The following EXOC6 variants were observed in gnomAD, a reference collection of about 807,000 sequenced individuals.
The protein encoded by EXOC6 is SEC15-like 1.
A neutral mutation model predicts 112.5 loss-of-function variants in EXOC6; 60 were observed. That is an observed-to-expected ratio of 0.53 (90% CI 0.43 to 0.66). The LOEUF is 0.66. EXOC6 is among the 30% of genes least tolerant of loss of function. The pLI is 0.00. For synonymous variants in EXOC6, 295 were observed against 308.0 expected, an observed-to-expected ratio of 0.96 and a Z score of 0.44; for missense variants, 855 against 957.1, an observed-to-expected ratio of 0.89 and a Z score of 1.41.
chr10:92,868,224 T>C (rs1475533466), intron 1 of EXOC6, among the ~76,000 whole-genome samples: 1 of 152,136 alleles, frequency 6.6e-6, no homozygotes, highest in Non-Finnish European at 1.5e-5. Context: ...TGCATCTGAT[T>C]CTGTTTGCAT....
intron 1 of EXOC6, among the ~76,000 whole-genome samples, chr10:92,876,938 C>T (rs1397441283): frequency 6.9e-6 from 1 of 144,900 alleles, no homozygotes; most frequent in Non-Finnish European, 1.5e-5. Flanking sequence ...TAAAAAAGAA[C>T]TTAAATCAAG....
chr10:92,837,101 C>CAA lies in EXOC6; in HGVS notation c.86+2278_86+2279insAA, dbSNP rs879671360. Among the ~76,000 whole-genome samples, 514 of 148,888 alleles carry CAA rather than the reference C, an allele frequency of 3.5e-3. 1 individual carries two copies. Among genetic ancestry groups the CAA allele is most frequent in the Non-Finnish European group, 5.6e-3 (377 of 66,814 alleles). The stretch of plus-strand genomic sequence containing the variant: ...AGCCTGAAATGGTTATAACATAACA[C>CAA]ACACACACACACACACACACACACA... On this transcript the variant is annotated intron_variant, in intron 1 of 21. Transcript: ENST00000371552.
At chr10:92,831,419 C>A (rs1353556969), upstream of EXOC6, 8 of 910,964 alleles carry the variant, frequency 8.8e-6, no homozygotes, top group Non-Finnish European at 1.2e-5. Flanking sequence ...TTCTTCTATA[C>A]TATATTCTAT....
intron 1 of EXOC6, among the ~76,000 whole-genome samples, chr10:92,842,082 C>T (rs541493899): frequency 3.3e-5 from 5 of 151,980 alleles, no homozygotes; most frequent in Non-Finnish European, 7.4e-5. Context: ...AAAACCAGGC[C>T]GGGTGCAGTG....
intron 5 of EXOC6, 42 bp from the exon 6 acceptor site, chr10:92,909,385 A>G (rs1850614683): frequency 2.2e-6 from 3 of 1,391,026 alleles, no homozygotes; most frequent in Admixed American, 4.3e-5. Flanking sequence ...AAATATTGTG[A>G]TAAGAACTTT....
Position 92,934,357 on chromosome 10 carries a change from T to G in EXOC6, c.1067T>G (p.Val356Gly). ...DHILHVTQGL[V>G]TRAYTDELWN... Reference sequence around the variant, plus strand: ...ATTTTACATGTGACCCAAGGATTAGTAACCAGGGCATACACTGATGAACTT... The same window carrying G: ...ATTTTACATGTGACCCAAGGATTAGGAACCAGGGCATACACTGATGAACTT... The change falls in exon 11 of 22, where the codon GTA becomes GGA. Residue 356 changes from valine (V) to glycine (G), a missense_variant. Val to Gly is a moderately radical substitution (Grantham distance 109). This residue lies in a region of EXOC6 where 450 missense variants were observed against 563.5 expected (regional missense o/e 0.80). Transcript: ENST00000260762. 1 of 1,603,958 alleles carries G rather than the reference T, an allele frequency of 6.2e-7. No homozygotes were observed. The highest frequency in any genetic ancestry group is 8.5e-7 in the Non-Finnish European group (1 of 1,176,242).
At chr10:92,978,541 T>C (rs779872929) in intron 18 of EXOC6, among the ~76,000 whole-genome samples, 16 of 152,226 alleles carry the variant, frequency 1.1e-4, no homozygotes, top group Non-Finnish European at 1.8e-4. Flanking sequence ...AGAGTGATTA[T>C]ATTATTGCTT....
At chr10:92,951,693 A>G (rs2134007698) in intron 14 of EXOC6, among the ~76,000 whole-genome samples, 1 of 152,316 alleles carries the variant, frequency 6.6e-6, no homozygotes, top group South Asian at 2.1e-4. Context: ...TCAAATGCAT[A>G]ATGACTTACA....
In EXOC6 at chr10:92,913,945, CA is replaced by C. The variant is rs566376987; in HGVS notation, c.664-1811del. Among the ~76,000 whole-genome samples, 8 of 152,274 alleles carry C rather than the reference CA, an allele frequency of 5.3e-5. No homozygotes were observed. The East Asian group carries it at 1.5e-3, about 29-fold the overall frequency. ...CACTGTTAGTCTGATGTTTAATTAG[CA>C]ATAAATATCTAAAATTTATATTGGG... On this transcript the variant is annotated intron_variant, in intron 6 of 21. Transcript: ENST00000260762.
chr10:92,918,189 C>A (rs117820779), intron 7 of EXOC6, among the ~76,000 whole-genome samples: 30 of 152,194 alleles, frequency 2.0e-4, no homozygotes, highest in Middle Eastern at 3.4e-3. Flanking sequence ...TTCTATTGAA[C>A]TTACCTTTTA....
chr10:92,886,229 A>C (rs1849207923), intron 1 of EXOC6, among the ~76,000 whole-genome samples: 1 of 152,240 alleles, frequency 6.6e-6, no homozygotes, highest in South Asian at 2.1e-4. Context: ...ATTTCAAAGA[A>C]TAATGATTAT....
At chr10:92,882,138 AC>A (rs1848996166) in intron 1 of EXOC6, among the ~76,000 whole-genome samples, 1 of 152,192 alleles carries the variant, frequency 6.6e-6, no homozygotes, top group Non-Finnish European at 1.5e-5. Context: ...TGGATATGAT[AC>A]TTTTACATTG....
At chr10:92,928,520 C>T (rs1237800193) in intron 9 of EXOC6, 98 bp downstream of exon 9, 13 of 700,830 alleles carry the variant, frequency 1.9e-5, no homozygotes, top group Non-Finnish European at 2.4e-5. Context: ...CATTCAACTA[C>T]AAATATTTAT....
Position 92,997,599 on chromosome 10 carries a change from T to C in EXOC6, c.2079T>C (p.Asp693=). ...GAGCTGTTCAGCAGTTTAACTTAGA[T>C]GTCATACAGTGTGAATGTAAGTACT... ...SMGAVQQFNL[D]VIQCELFASS... is the part of the protein sequence containing the mutation. Residue 693 remains aspartate (D), a synonymous_variant, in exon 19 of 22, where the codon GAT becomes GAC. Coordinates refer to ENST00000260762, the MANE Select transcript of EXOC6 (RefSeq NM_019053.6). The C allele has an allele frequency of 6.2e-7, 1 of 1,611,728 alleles. No homozygotes were observed. Among genetic ancestry groups the C allele is most frequent in the African/African-American group, 1.3e-5 (1 of 74,994 alleles).
intron 1 of EXOC6, among the ~76,000 whole-genome samples, chr10:92,842,098 C>T (rs1025252214): frequency 1.3e-5 from 2 of 151,878 alleles, no homozygotes; most frequent in African/African-American, 4.8e-5. Flanking sequence ...CAGTGGCTCA[C>T]GCCTGGAATC....
At chr10:92,954,252 C>G (rs1853572744) in intron 15 of EXOC6, among the ~76,000 whole-genome samples, 1 of 152,062 alleles carries the variant, frequency 6.6e-6, no homozygotes. Context: ...TGTACTCCAG[C>G]CTGGGTGACA....
chr10:92,865,162 T>C (rs990010797), intron 1 of EXOC6, among the ~76,000 whole-genome samples: 4 of 152,262 alleles, frequency 2.6e-5, no homozygotes, highest in Non-Finnish European at 5.9e-5. Flanking sequence ...TTTTGATAAC[T>C]ACTACTTTAG....
chr10:92,886,939 T>C (rs1168803726), intron 1 of EXOC6, among the ~76,000 whole-genome samples: 1 of 152,206 alleles, frequency 6.6e-6, no homozygotes, highest in Non-Finnish European at 1.5e-5. Context: ...TAATACATAA[T>C]AAGTACTTGG....
intron 20 of EXOC6, among the ~76,000 whole-genome samples, chr10:93,020,850 CT>C (rs1844749949): frequency 6.6e-6 from 1 of 151,886 alleles, no homozygotes; most frequent in East Asian, 2.0e-4. Context: ...TCTCTGGCCT[CT>C]TTCCCACCCC....
Sources: allele counts gnomAD v4.1 joint callset (sites outside exome capture counted in the v4.1 genomes callset), GRCh38; gene constraint gnomAD v4.1.1; regional missense constraint gnomAD v4.1.1; transcripts MANE v1.5; gene names NCBI Gene and HGNC (gene_info 2026-07-23, HGNC 2026-07-21).